The following MAST2 variants were observed in gnomAD, a reference collection of about 807,000 sequenced individuals.
MAST2 encodes the protein microtubule associated serine/threonine kinase 2.
In MAST2, 70 loss-of-function variants were observed where a neutral mutation model predicts 147.4. The observed-to-expected ratio is 0.47, with a 90% CI of 0.39 to 0.58. The LOEUF (loss-of-function observed/expected upper bound fraction) is 0.58, where lower values mean the gene tolerates loss of function less well. Ranked by LOEUF, MAST2 falls within the 20% of genes least tolerant of loss-of-function variation. MAST2 has a pLI of 0.00. For missense variants in MAST2, 2,080 were observed against 2,302.3 expected, an observed-to-expected ratio of 0.90 and a Z score of 1.98; for synonymous variants, 869 against 896.8, an observed-to-expected ratio of 0.97 and a Z score of 0.55.
At chr1:46,020,849 T>C (rs1646153309) in intron 11 of MAST2, among the ~76,000 whole-genome samples, 1 of 152,244 alleles carries the variant, frequency 6.6e-6, no homozygotes, top group African/African-American at 2.4e-5. Context: ...AATTCATACA[T>C]GTTGTTGCAT....
rs1414379939 is a variant in MAST2 at position 45,817,921 on chromosome 1, C to T, written c.178-6512C>T. On this transcript the variant is annotated intron_variant, in intron 1 of 28. Transcript: ENST00000361297. ...TTTTCGCCAATGAGAAATGTTTGTT[C>T]TTGTTGTGTAAAAATCCATGCTTTG... Among the ~76,000 whole-genome samples the T allele has an allele frequency of 2.6e-5, 4 of 152,138 alleles. No individual in the cohort carries two copies. In the East Asian group the frequency reaches 7.7e-4, roughly 29 times the overall value.
chr1:45,883,193 A>G (rs1646922495), intron 4 of MAST2, among the ~76,000 whole-genome samples: 1 of 152,344 alleles, frequency 6.6e-6, no homozygotes, highest in South Asian at 2.1e-4. Flanking sequence ...ACTTTTCCTT[A>G]ACAAAAAAAG....
chr1:45,830,181 C>CTTTTT (rs11407885), intron 3 of MAST2, among the ~76,000 whole-genome samples: 2 of 108,248 alleles, frequency 1.8e-5, no homozygotes, highest in East Asian at 2.7e-4. Context: ...TTAATTGAAT[C>CTTTTT]TTTTTTTTTT....
chr1:45,888,807 C>T (rs1468765674), intron 4 of MAST2, among the ~76,000 whole-genome samples: 1 of 150,832 alleles, frequency 6.6e-6, no homozygotes, highest in Non-Finnish European at 1.5e-5. Context: ...TCAGCCTCCC[C>T]AGTAGCTGGT....
At chr1:46,016,534 A>G (rs1251085176) in intron 10 of MAST2, among the ~76,000 whole-genome samples, 1 of 152,140 alleles carries the variant, frequency 6.6e-6, no homozygotes, top group Admixed American at 6.5e-5. Flanking sequence ...TTATACACCA[A>G]TAACAGACAA....
chr1:45,935,606 A>C (rs766757530), intron 4 of MAST2, among the ~76,000 whole-genome samples: 1 of 152,234 alleles, frequency 6.6e-6, no homozygotes, highest in African/African-American at 2.4e-5. Context: ...AACATTCTGC[A>C]TACGGCTAGC....
intron 5 of MAST2, among the ~76,000 whole-genome samples, chr1:45,970,206 G>T (rs1233022234): frequency 6.6e-6 from 1 of 152,114 alleles, no homozygotes; most frequent in Non-Finnish European, 1.5e-5. Context: ...ATCCAGTAAG[G>T]CTCCTTTGGA....
At chr1:45,965,315 G>T (rs1347647018) in intron 5 of MAST2, among the ~76,000 whole-genome samples, 1 of 152,156 alleles carries the variant, frequency 6.6e-6, no homozygotes, top group Non-Finnish European at 1.5e-5. Flanking sequence ...TGTTGACAGT[G>T]GGGTGTTAAA....
chr1:45,897,915 G>T (rs1476087393), intron 4 of MAST2, among the ~76,000 whole-genome samples: 1 of 151,992 alleles, frequency 6.6e-6, no homozygotes, highest in South Asian at 2.1e-4. Flanking sequence ...GACCAGCCTG[G>T]CCAACATATA....
At chr1:45,937,489 C>T (rs560374173) in intron 4 of MAST2, among the ~76,000 whole-genome samples, 1 of 152,024 alleles carries the variant, frequency 6.6e-6, no homozygotes, top group Non-Finnish European at 1.5e-5. Context: ...GTGGCTTACG[C>T]CTGTAATCCT....
At chr1:45,878,589 G>T (rs533362091) in intron 3 of MAST2, among the ~76,000 whole-genome samples, 45 of 152,030 alleles carry the variant, frequency 3.0e-4, no homozygotes, top group Admixed American at 2.0e-3. Flanking sequence ...AGATATGATT[G>T]TTTATATAGA....
At chr1:45,815,662 C>T (rs1400540874) in intron 1 of MAST2, among the ~76,000 whole-genome samples, 2 of 152,150 alleles carry the variant, frequency 1.3e-5, no homozygotes, top group Non-Finnish European at 2.9e-5. Context: ...TTGTGACTAG[C>T]TCAGTCTTTG....
At chr1:45,985,191 C>G (rs956486542) in intron 5 of MAST2, among the ~76,000 whole-genome samples, 1 of 151,912 alleles carries the variant, frequency 6.6e-6, no homozygotes, top group Admixed American at 6.6e-5. Flanking sequence ...AAACCTCAAC[C>G]TCAACCTCCT....
chr1:45,963,986 G>A (rs895026749), intron 5 of MAST2, among the ~76,000 whole-genome samples: 5 of 152,152 alleles, frequency 3.3e-5, no homozygotes, highest in South Asian at 2.1e-4. Flanking sequence ...TGTGGTTTTT[G>A]TCTTTGGTTC....
At chr1:46,017,384 A>T (rs1396777804) in intron 10 of MAST2, among the ~76,000 whole-genome samples, 1 of 152,254 alleles carries the variant, frequency 6.6e-6, no homozygotes, top group African/African-American at 2.4e-5. Context: ...CAGAGGGAAC[A>T]GGCAACCTAC....
chr1:46,028,848 G>T lies in MAST2; in HGVS notation c.2133G>T (p.Met711Ile). 6.2e-7 allele frequency: 1 copy of T among 1,614,120 alleles called. No individual in the cohort carries two copies. The highest frequency in any genetic ancestry group is 8.5e-7 in the Non-Finnish European group (1 of 1,180,010). The change falls in exon 18 of 29, where the codon ATG (methionine) becomes ATT (isoleucine). Residue 711 changes from methionine to isoleucine, a missense_variant. Physicochemically the swap from Met to Ile is conservative, Grantham distance 10. This residue lies in a region of MAST2 where 209 missense variants were observed against 309.5 expected (regional missense o/e 0.68). Transcript: ENST00000361297. The part of the protein sequence containing the change: ...GYGKPVDWWA[M>I]GIILYEFLVG... ...GGAAGCCAGTGGACTGGTGGGCCAT[G>T]GGCATTATCCTGTATGAGTTCCTGG...
At chr1:46,001,542 G>T (rs1320067088) in intron 6 of MAST2, among the ~76,000 whole-genome samples, 1 of 152,192 alleles carries the variant, frequency 6.6e-6, no homozygotes, top group Non-Finnish European at 1.5e-5. Context: ...CAGCAAAGAG[G>T]TCAAAGAGAA....
At chr1:45,806,014 G>A (rs1252919361) in intron 1 of MAST2, among the ~76,000 whole-genome samples, 2 of 152,110 alleles carry the variant, frequency 1.3e-5, no homozygotes, top group Non-Finnish European at 1.5e-5. Context: ...TAAGGTCACC[G>A]AAAGCTTTTT....
chr1:46,027,945 C>G lies in MAST2; in HGVS notation c.2052+82C>G, dbSNP rs527362841. On this transcript the variant is annotated intron_variant, in intron 17 of 28. Coordinates refer to ENST00000361297, the MANE Select transcript of MAST2 (RefSeq NM_015112.3). ...AGTGTCTTACGCCCGTAATCCCAAC[C>G]CTTTGGGAGGCTGAGGCAGGAGGAT... is the stretch of plus-strand genomic sequence containing the variant. 4 of 1,526,726 alleles carry G rather than the reference C, an allele frequency of 2.6e-6. No homozygotes were observed. In the East Asian group the frequency reaches 9.1e-5, roughly 35 times the overall value. 94.6% of individuals were successfully genotyped at this position (1,526,726 alleles called of 1,614,324 possible).
Sources: gnomAD v4.1 joint callset for allele counts (sites outside exome capture counted in the v4.1 genomes callset) on GRCh38, gnomAD v4.1.1 for gene constraint, gnomAD v4.1.1 regional missense constraint, MANE v1.5 for transcripts, NCBI Gene and HGNC (gene_info 2026-07-23, HGNC 2026-07-21) for gene names.